TMED3: variants seen among roughly 807,000 people sequenced by gnomAD.
TMED3 encodes transmembrane emp24 domain-containing protein 3.
A neutral mutation model predicts 15.0 loss-of-function variants in TMED3; 9 were observed. The ratio of observed to expected loss-of-function variants is 0.60; its 90% CI spans 0.36 to 1.04. TMED3 has a LOEUF of 1.04. Among genes scored for constraint, TMED3 ranks in the 50% least tolerant of loss-of-function variants. TMED3 has a pLI of 0.01. For synonymous variants in TMED3, 117 were observed against 121.4 expected, an observed-to-expected ratio of 0.96 and a Z score of 0.24; for missense variants, 267 against 278.9, an observed-to-expected ratio of 0.96 and a Z score of 0.30.
intron 2 of TMED3, among the ~76,000 whole-genome samples, chr15:79,363,704 T>A (rs535373925): frequency 1.3e-5 from 2 of 152,338 alleles, no homozygotes; most frequent in South Asian, 4.1e-4. Context: ...TTGTTAATTT[T>A]CTCCAGTTTT....
rs142119440 is a variant in TMED3 at position 79,321,003 on chromosome 15, G to A, written c.418-975G>A. ...CCTTGCTGACTGTTGTACCCTCAACGCCTGGAGGCCTTTTTCTGGTCCTGG... is the reference window on the plus strand; with the variant it reads ...CCTTGCTGACTGTTGTACCCTCAACACCTGGAGGCCTTTTTCTGGTCCTGG... On this transcript the variant is annotated intron_variant, in intron 2 of 2. Transcript: ENST00000299705. Among the ~76,000 whole-genome samples, 403 of 152,300 alleles carry A rather than the reference G, an allele frequency of 2.6e-3. 2 individuals carry two copies. Among genetic ancestry groups the A allele is most frequent in the Admixed American group, 0.016 (238 of 15,308 alleles).
At chr15:79,341,994 T>C (rs1016312369) in intron 2 of TMED3, among the ~76,000 whole-genome samples, 4 of 151,902 alleles carry the variant, frequency 2.6e-5, no homozygotes, top group Non-Finnish European at 5.9e-5. Context: ...GGTACAAAAA[T>C]GTGACAAAAT....
At chr15:79,383,559 T>TCATA (rs1377131876) in intron 2 of TMED3, 1 of 154,206 alleles carries the variant, frequency 6.5e-6, no homozygotes, top group Non-Finnish European at 1.4e-5. Context: ...CCCAGTGAAG[T>TCATA]CATACAGACT....
At chr15:79,317,932 C>T (rs1158301814) in intron 2 of TMED3, among the ~76,000 whole-genome samples, 3 of 152,210 alleles carry the variant, frequency 2.0e-5, no homozygotes, top group South Asian at 2.1e-4. Context: ...AGTGGGATTC[C>T]GATCTTGCCA....
rs201084575 is a variant in TMED3 at position 79,356,786 on chromosome 15, G to A, written c.417+42781G>A. Among the ~76,000 whole-genome samples the A allele has an allele frequency of 4.6e-5, 7 of 152,158 alleles. No individual in the cohort carries two copies. In the East Asian group the frequency reaches 1.3e-3, roughly 29 times the overall value. ...CCCACACATCTCAGCAGTGCTCTAA[G>A]ATCTGTGTAGAGATATTCACTGCAG... is the stretch of plus-strand genomic sequence containing the variant. On this transcript the variant is annotated intron_variant, in intron 2 of 2. Coordinates refer to the TMED3 transcript ENST00000424155.
Position 79,322,486 on chromosome 15 carries a change from A to G in TMED3, c.*272A>G, listed in dbSNP as rs2141218620. Reference sequence around the variant, plus strand: ...GGGATTAGCCACTGTGGGAGGGTGGACAGGCAATGGTTCAGTGGCCTGGCT... The same window carrying G: ...GGGATTAGCCACTGTGGGAGGGTGGGCAGGCAATGGTTCAGTGGCCTGGCT... On this transcript the variant is annotated 3_prime_UTR_variant, in exon 3 of 3. Transcript: ENST00000299705. The G allele has an allele frequency of 7.8e-7, 1 of 1,275,508 alleles. No homozygotes were observed. The highest frequency in any genetic ancestry group is 3.8e-5 in the Admixed American group (1 of 26,120). The allele number at this position is 1,275,508 out of a possible 1,614,324, so 79.0% of individuals were successfully genotyped here. A position where few individuals can be genotyped will look rare whatever the true frequency, so the allele number is the denominator to read the frequency against.
Position 79,376,319 on chromosome 15 carries a change from T to C in TMED3, c.418-35081T>C, listed in dbSNP as rs541372458. ...TAGCTTTTGGCATTCTTGGGTAACTTAAATAAGAGTAGAGGCAGAGGCCAT... is the reference window on the plus strand; with the variant it reads ...TAGCTTTTGGCATTCTTGGGTAACTCAAATAAGAGTAGAGGCAGAGGCCAT... On this transcript the variant is annotated intron_variant, in intron 2 of 2. Transcript: ENST00000424155. Among the ~76,000 whole-genome samples the C allele has an allele frequency of 2.2e-4, 26 of 120,738 alleles. 1 individual carries two copies. The South Asian group carries it at 6.4e-3, about 30-fold the overall frequency. 79.2% of individuals were successfully genotyped at this position (120,738 alleles called of 152,430 possible).
In TMED3 at chr15:79,311,232, G is replaced by A. The variant is rs748573443; in HGVS notation, c.-18G>A. 6.3e-7 allele frequency: 1 copy of A among 1,587,980 alleles called. No individual in the cohort carries two copies. The highest frequency in any genetic ancestry group is 2.3e-5 in the East Asian group (1 of 43,546). On this transcript the variant is annotated 5_prime_UTR_variant, in exon 1 of 3. Coordinates refer to ENST00000299705, the MANE Select transcript of TMED3 (RefSeq NM_007364.4). ...GCAGCGCCCGAGCCGCGGCCCTCGA[G>A]ACGGGACCGAGAGCATCATGGGCAG...
intron 2 of TMED3, among the ~76,000 whole-genome samples, chr15:79,404,424 T>G (rs1310022302): frequency 1.3e-5 from 2 of 152,324 alleles, no homozygotes; most frequent in Admixed American, 6.5e-5. Context: ...GCATCCTCCC[T>G]TGTTTCTGTA....
chr15:79,383,246 G>A, intron 2 of TMED3: 1 of 558,246 alleles, frequency 1.8e-6, no homozygotes, highest in East Asian at 2.9e-5. Context: ...CAATGTGGCT[G>A]CCTTTGCTAT....
In TMED3 at chr15:79,322,609, A is replaced by G. The variant is rs2058772845; in HGVS notation, c.*395A>G. 9.9e-7 allele frequency: 1 copy of G among 1,005,252 alleles called. No homozygotes were observed. The highest frequency in any genetic ancestry group is 1.2e-6 in the Non-Finnish European group (1 of 843,700). The allele number at this position is 1,005,252 out of a possible 1,614,324, so 62.3% of individuals were successfully genotyped here. ...TCATTTGTCTTGGGTGTCCTATCCCATATGGAGAAGAAAGGGGCTCTAAGT... is the reference window on the plus strand; with the variant it reads ...TCATTTGTCTTGGGTGTCCTATCCCGTATGGAGAAGAAAGGGGCTCTAAGT... On this transcript the variant is annotated 3_prime_UTR_variant, in exon 3 of 3. Coordinates refer to ENST00000299705, the MANE Select transcript of TMED3 (RefSeq NM_007364.4).
chr15:79,368,907 G>A (rs1408065298), intron 2 of TMED3, among the ~76,000 whole-genome samples: 1 of 151,852 alleles, frequency 6.6e-6, no homozygotes, highest in Non-Finnish European at 1.5e-5. Flanking sequence ...GGCCAACTTG[G>A]TGAAACCCCA....
chr15:79,322,066 G>C lies in TMED3; in HGVS notation c.506G>C (p.Arg169Pro). The C allele has an allele frequency of 6.2e-7, 1 of 1,614,202 alleles. No homozygotes were observed. Among genetic ancestry groups the C allele is most frequent in the Non-Finnish European group, 8.5e-7 (1 of 1,180,040 alleles). ...THYRLREAQD[R>P]ARAEDLNSRV... ...TACCGGCTGCGGGAGGCCCAGGACCGGGCCCGAGCAGAAGACCTTAATAGC... is the reference window on the plus strand; with the variant it reads ...TACCGGCTGCGGGAGGCCCAGGACCCGGCCCGAGCAGAAGACCTTAATAGC... Residue 169 changes from arginine to proline, a missense_variant, in exon 3 of 3, where the codon CGG becomes CCG. Transcript: ENST00000299705.
At chr15:79,372,801 G>A (rs574627405) in intron 2 of TMED3, among the ~76,000 whole-genome samples, 28 of 152,160 alleles carry the variant, frequency 1.8e-4, no homozygotes, top group Non-Finnish European at 3.7e-4. Context: ...TGACTCTACC[G>A]TTCAGTTCCC....
downstream of TMED3, among the ~76,000 whole-genome samples, chr15:79,324,353 T>C (rs191964437): frequency 1.3e-5 from 2 of 152,324 alleles, no homozygotes; most frequent in African/African-American, 2.4e-5. Context: ...CATTTTGAAA[T>C]TGAAGATTTT....
intron 2 of TMED3, among the ~76,000 whole-genome samples, chr15:79,334,469 C>T (rs1026032000): frequency 1.1e-4 from 16 of 152,054 alleles, no homozygotes; most frequent in African/African-American, 3.4e-4. Context: ...AGAGGAGAAG[C>T]TTTTCAGGCA....
chr15:79,321,174 C>T (rs981313689), intron 2 of TMED3, among the ~76,000 whole-genome samples: 10 of 152,194 alleles, frequency 6.6e-5, no homozygotes, highest in Admixed American at 3.9e-4. Flanking sequence ...TGAATAACCT[C>T]CCCATCTTCA....
exon 3 of TMED3, chr15:79,412,986 G>T (rs1361967583): frequency 6.6e-6 from 1 of 152,140 alleles, no homozygotes; most frequent in Admixed American, 6.5e-5. Context: ...TTCCAGAAAT[G>T]AAGCCAGTCA....
chr15:79,399,180 G>A (rs1893801324), intron 2 of TMED3, among the ~76,000 whole-genome samples: 1 of 152,126 alleles, frequency 6.6e-6, no homozygotes, highest in African/African-American at 2.4e-5. Context: ...CAAAGTGCTG[G>A]AATTACAGGC....
Sources: gnomAD v4.1 joint callset for allele counts (sites outside exome capture counted in the v4.1 genomes callset) on GRCh38, gnomAD v4.1.1 for gene constraint, MANE v1.5 for transcripts, NCBI Gene and HGNC (gene_info 2026-07-23, HGNC 2026-07-21) for gene names.